The following SYK variants were observed in gnomAD, a reference collection of about 807,000 sequenced individuals.
The protein encoded by SYK is tyrosine-protein kinase SYK.
A neutral mutation model predicts 77.8 loss-of-function variants in SYK; 16 were observed. The observed-to-expected ratio is 0.21, with a 90% CI of 0.14 to 0.31. SYK has a LOEUF of 0.31. Among genes scored for constraint, SYK ranks in the 10% least tolerant of loss-of-function variants. The pLI is 1.00. For missense variants in SYK, 529 were observed against 814.4 expected (o/e 0.65, Z 4.26); for synonymous variants, 312 against 308.7 (o/e 1.01, Z -0.11).
In SYK at chr9:90,852,115, T is replaced by C. The variant is rs550875286; in HGVS notation, c.578+6521T>C. 4.6e-5 allele frequency among the ~76,000 whole-genome samples: 7 copies of C among 152,326 alleles called. No individual in the cohort carries two copies. In the East Asian group the frequency reaches 1.3e-3, roughly 29 times the overall value. ...ATTTAATAATATATTTGTCTATATA[T>C]AGAAAAAGAGACTATTCATTCCTTC... is the stretch of plus-strand genomic sequence containing the variant. On this transcript the variant is annotated intron_variant, in intron 3 of 13. Transcript: ENST00000375754.
At chr9:90,824,765 A>G (rs1825617816) in intron 1 of SYK, among the ~76,000 whole-genome samples, 1 of 152,112 alleles carries the variant, frequency 6.6e-6, no homozygotes, top group African/African-American at 2.4e-5. Flanking sequence ...TACAGGTAAC[A>G]TCATACTTAA....
intron 1 of SYK, among the ~76,000 whole-genome samples, chr9:90,812,269 G>T (rs1346963380): frequency 1.3e-5 from 2 of 152,112 alleles, no homozygotes; most frequent in African/African-American, 2.4e-5. Flanking sequence ...AGGTTTGCTT[G>T]GGGGGAAAGG....
chr9:90,832,078 G>A (rs1825918207), intron 1 of SYK, among the ~76,000 whole-genome samples: 1 of 152,104 alleles, frequency 6.6e-6, no homozygotes, highest in Non-Finnish European at 1.5e-5. Flanking sequence ...ATAAAACAAG[G>A]TTCTGTATTG....
chr9:90,844,412 T>G, intron 2 of SYK, 97 bp downstream of exon 2: 1 of 1,333,182 alleles, frequency 7.5e-7, no homozygotes, highest in South Asian at 1.6e-5. Context: ...ATGTGCCCTG[T>G]GTGCCCAAAT....
chr9:90,827,527 A>G (rs1825701433), intron 1 of SYK: 1 of 152,110 alleles, frequency 6.6e-6, no homozygotes, highest in Non-Finnish European at 1.5e-5. Flanking sequence ...CCCACATTCT[A>G]TACTGCCCAG....
Position 90,887,907 on chromosome 9 carries a change from C to T in SYK, c.1722+18C>T. On this transcript the variant is annotated intron_variant, in intron 12 of 13. Coordinates refer to ENST00000375754, the MANE Select transcript of SYK (RefSeq NM_003177.7). Reference sequence around the variant, plus strand: ...CATATCGAGTGAGCCAGTCCTGCTTCATTTTCTCACTGTGGGGCCATTAGA... The same window carrying T: ...CATATCGAGTGAGCCAGTCCTGCTTTATTTTCTCACTGTGGGGCCATTAGA... The T allele has an allele frequency of 6.4e-7, 1 of 1,564,248 alleles. No individual in the cohort carries two copies. The highest frequency in any genetic ancestry group is 8.7e-7 in the Non-Finnish European group (1 of 1,151,066).
chr9:90,804,510 C>G (rs1288647160), intron 1 of SYK, among the ~76,000 whole-genome samples: 1 of 152,172 alleles, frequency 6.6e-6, no homozygotes, highest in Non-Finnish European at 1.5e-5. Flanking sequence ...CCAGCTACCC[C>G]CTGACTTTTC....
chr9:90,858,317 G>A (rs922192110), intron 3 of SYK, among the ~76,000 whole-genome samples: 2 of 152,244 alleles, frequency 1.3e-5, no homozygotes, highest in African/African-American at 4.8e-5. Context: ...CTCAAGACCA[G>A]TTAGGACAGC....
At chr9:90,878,285 A>G (rs923082208) in intron 10 of SYK, among the ~76,000 whole-genome samples, 8 of 152,184 alleles carry the variant, frequency 5.3e-5, no homozygotes. Flanking sequence ...TGTTGTTGAG[A>G]TGAAGAAACT....
intron 3 of SYK, among the ~76,000 whole-genome samples, chr9:90,847,102 C>A (rs1301236293): frequency 6.6e-6 from 1 of 152,310 alleles, no homozygotes; most frequent in Admixed American, 6.5e-5. Context: ...GACTTTTGCT[C>A]TCTCCTTCCT....
chr9:90,864,496 C>A, intron 4 of SYK, 93 bp from the exon 5 acceptor site: 1 of 1,137,162 alleles, frequency 8.8e-7, no homozygotes, highest in Non-Finnish European at 1.3e-6. Context: ...GGGGCCACTT[C>A]GAAAGCCCAA....
intron 3 of SYK, among the ~76,000 whole-genome samples, chr9:90,855,506 T>C (rs1826992865): frequency 6.6e-6 from 1 of 152,116 alleles, no homozygotes; most frequent in African/African-American, 2.4e-5. Flanking sequence ...CCCTTTTTCT[T>C]AGAAAGCCAG....
At chr9:90,887,529 C>T (rs980741250) in intron 11 of SYK, among the ~76,000 whole-genome samples, 1 of 151,492 alleles carries the variant, frequency 6.6e-6, no homozygotes, top group Non-Finnish European at 1.5e-5. Flanking sequence ...CCTCAGCCTC[C>T]CAAGTAGCTG....
chr9:90,809,958 G>A (rs1243641363), intron 1 of SYK, among the ~76,000 whole-genome samples: 1 of 152,138 alleles, frequency 6.6e-6, no homozygotes, highest in African/African-American at 2.4e-5. Context: ...TCAAGGAAAG[G>A]CAGCTTGGCA....
At chr9:90,849,732 A>T (rs62559145) in intron 3 of SYK, among the ~76,000 whole-genome samples, 26,791 of 152,238 alleles carry the variant, frequency 0.18, 2,551 homozygotes, top group Middle Eastern at 0.24. Context: ...TCTGGCCTCA[A>T]ATGCTGGCTC....
At chr9:90,868,266 AC>A (rs1827593071) in intron 7 of SYK, among the ~76,000 whole-genome samples, 1 of 152,206 alleles carries the variant, frequency 6.6e-6, no homozygotes, top group Admixed American at 6.5e-5. Context: ...AAGGCAAAAC[AC>A]CCCCACAGAT....
intron 1 of SYK, among the ~76,000 whole-genome samples, chr9:90,828,142 A>G (rs1825723286): frequency 2.0e-5 from 3 of 151,862 alleles, no homozygotes; most frequent in African/African-American, 7.3e-5. Context: ...ATAGAGCCTG[A>G]AAGCGGGAAA....
In SYK at chr9:90,849,312, C is replaced by A. The variant is rs369879485; in HGVS notation, c.578+3718C>A. ...GCCTGAGCATCAGTCAGTTTGTCTC[C>A]GCTCTGATCTCCTGTCCACCCCACC... On this transcript the variant is annotated intron_variant, in intron 3 of 13. Coordinates refer to ENST00000375754, the MANE Select transcript of SYK (RefSeq NM_003177.7). 4.6e-5 allele frequency among the ~76,000 whole-genome samples: 7 copies of A among 152,266 alleles called. No homozygotes were observed. The South Asian group carries it at 1.5e-3, about 32-fold the overall frequency.
chr9:90,851,328 C>T (rs544278362), intron 3 of SYK, among the ~76,000 whole-genome samples: 3 of 152,338 alleles, frequency 2.0e-5, no homozygotes, highest in Middle Eastern at 3.4e-3. Flanking sequence ...GTCCACAGAG[C>T]TTACCCACAC....
Sources: allele counts gnomAD v4.1 joint callset (sites outside exome capture counted in the v4.1 genomes callset), GRCh38; gene constraint gnomAD v4.1.1; transcripts MANE v1.5; gene names NCBI Gene and HGNC (gene_info 2026-07-23, HGNC 2026-07-21).